The following ZNF519 variants were observed in gnomAD, a reference collection of about 807,000 sequenced individuals.
ZNF519 encodes zinc finger protein 519.
ZNF519 carries 7 observed loss-of-function variants against 7.4 expected under a neutral mutation model. The ratio of observed to expected loss-of-function variants is 0.94; its 90% confidence interval spans 0.54 to 1.77. ZNF519 has a LOEUF of 1.77. Ranked by LOEUF, ZNF519 falls within the 40% of genes most tolerant of loss-of-function variation. The pLI is 0.00. For missense variants in ZNF519, 586 were observed against 623.1 expected (o/e 0.94, Z 0.63); for synonymous variants, 179 against 203.3 (o/e 0.88, Z 1.02).
intron 2 of ZNF519, among the ~76,000 whole-genome samples, chr18:14,087,808 C>A (rs1398963284): frequency 6.6e-6 from 1 of 151,962 alleles, no homozygotes; most frequent in Non-Finnish European, 1.5e-5. Context: ...GTCAACAATA[C>A]CATCATTGTC....
intron 2 of ZNF519, among the ~76,000 whole-genome samples, chr18:14,117,010 T>G (rs2046249340): frequency 6.6e-6 from 1 of 152,122 alleles, no homozygotes; most frequent in Non-Finnish European, 1.5e-5. Context: ...AAACTCCATC[T>G]CAAAATAATA....
downstream of ZNF519, among the ~76,000 whole-genome samples, chr18:14,095,280 A>C (rs1156580286): frequency 6.6e-6 from 1 of 152,200 alleles, no homozygotes; most frequent in Non-Finnish European, 1.5e-5. Flanking sequence ...CGGGAGAGTC[A>C]CTGTGTGACT....
Position 14,106,389 on chromosome 18 carries a change from G to T in ZNF519, c.151C>A (p.Gln51Lys). 6.3e-7 allele frequency: 1 copy of T among 1,592,140 alleles called. No homozygotes were observed. The highest frequency in any genetic ancestry group is 1.1e-5 in the South Asian group (1 of 87,394). ...VSLAVYSYYNQGILPEQGIQD... is the reference protein window; with the variant it reads ...VSLAVYSYYNKGILPEQGIQD... ...ATGCCTTGCTCTGGTAAAATGCCTT[G>T]GTTGTAATAAGAATACACAGCTGAA... Residue 51 changes from glutamine (Q) to lysine (K), a missense_variant, in exon 3 of 3, where the codon CAA becomes AAA. By Grantham distance (53) the Gln-to-Lys change is moderately conservative (BLOSUM62 1). Coordinates refer to ENST00000590202, the MANE Select transcript of ZNF519 (RefSeq NM_145287.4).
chr18:14,114,274 T>C (rs749337461), intron 2 of ZNF519, among the ~76,000 whole-genome samples: 1 of 152,186 alleles, frequency 6.6e-6, no homozygotes, highest in Non-Finnish European at 1.5e-5. Flanking sequence ...TAGTTTTGGG[T>C]CTTAGTTAAG....
intron 3 of ZNF519, chr18:14,082,855 T>C (rs1299395633): frequency 6.6e-6 from 1 of 152,116 alleles, no homozygotes; most frequent in African/African-American, 2.4e-5. Context: ...GCCTGGCTAA[T>C]TTTTAAAAAT....
At chr18:14,130,039 G>A (rs907501330) in intron 1 of ZNF519, among the ~76,000 whole-genome samples, 13 of 152,002 alleles carry the variant, frequency 8.6e-5, no homozygotes, top group Non-Finnish European at 1.5e-4. Context: ...TTTGTTCTCC[G>A]AAATCAGCTT....
At chr18:14,094,612 T>C (rs1794912817) in intron 2 of ZNF519, among the ~76,000 whole-genome samples, 1 of 152,252 alleles carries the variant, frequency 6.6e-6, no homozygotes, top group Non-Finnish European at 1.5e-5. Context: ...CATCCTTGCA[T>C]TGCTGGCATA....
chr18:14,081,352 A>G (rs1389043506), intron 3 of ZNF519, among the ~76,000 whole-genome samples: 1 of 139,552 alleles, frequency 7.2e-6, no homozygotes, highest in African/African-American at 2.8e-5. Flanking sequence ...GGCATTATAA[A>G]CTGTGCATAT....
intron 2 of ZNF519, among the ~76,000 whole-genome samples, chr18:14,094,481 T>C (rs577663719): frequency 4.8e-4 from 73 of 152,226 alleles, no homozygotes; most frequent in Non-Finnish European, 1.0e-3. Flanking sequence ...GAGTTTTTAA[T>C]CATAAAGAAA....
rs1485009478 is a variant in ZNF519, at chr18:14,124,200, C to CA, written c.130+149_130+150insT. The CA allele has an allele frequency of 3.3e-3, 1,641 of 491,534 alleles. 24 individuals are homozygous for CA. The highest frequency in any genetic ancestry group is 0.031 in the African/African-American group (1,484 of 47,208). The allele number at this position is 491,534 out of a possible 1,614,324, so 30.4% of individuals were successfully genotyped here. A position where few individuals can be genotyped will look rare whatever the true frequency, so the allele number is the denominator to read the frequency against. ...ATTAAAAAAAAAAAAAAAAGATTTT[C>CA]TTTTTTACACTAGCAAACTCCCATT... On this transcript the variant is annotated intron_variant, in intron 2 of 2. Transcript: ENST00000590202.
At position 14,105,575 on chromosome 18, in the gene ZNF519, C is replaced by T; in HGVS notation, c.965G>A (p.Cys322Tyr). ...GTTAAAAGCTTTGCCACATTCCTTACACTTGAAAGGCTTCTCTCCAGTATG... is the reference window on the plus strand; with the variant it reads ...GTTAAAAGCTTTGCCACATTCCTTATACTTGAAAGGCTTCTCTCCAGTATG... ...RIHTGEKPFK[C>Y]KECGKAFNRG... is the part of the protein sequence containing the mutation. The change falls in exon 3 of 3, where the codon TGT (cysteine) becomes TAT (tyrosine). Residue 322 changes from cysteine to tyrosine, a missense_variant. Coordinates refer to ENST00000590202, the MANE Select transcript of ZNF519 (RefSeq NM_145287.4). The T allele has an allele frequency of 4.3e-6, 7 of 1,614,088 alleles. No homozygotes were observed. The highest frequency in any genetic ancestry group is 5.9e-6 in the Non-Finnish European group (7 of 1,180,006).
rs567558785 is a variant in ZNF519, at chr18:14,102,649, T to C, written c.*2268A>G. 1 of 152,326 alleles carries C rather than the reference T, an allele frequency of 6.6e-6. No individual in the cohort carries two copies. The highest frequency in any genetic ancestry group is 1.5e-5 in the Non-Finnish European group (1 of 68,034). 9.4% of individuals were successfully genotyped at this position (152,326 alleles called of 1,614,324 possible). ...AAGGATACAAAATGTAGAGTACTTT[T>C]TAAAATAATAATAATTTATTCTCTA... is the stretch of plus-strand genomic sequence containing the variant. On this transcript the variant is annotated 3_prime_UTR_variant, in exon 3 of 3. Transcript: ENST00000590202.
At chr18:14,107,929 G>C (rs2143132543) in intron 2 of ZNF519, among the ~76,000 whole-genome samples, 1 of 152,100 alleles carries the variant, frequency 6.6e-6, no homozygotes, top group South Asian at 2.1e-4. Flanking sequence ...AAACGAAGTA[G>C]ACTCCTAAGG....
chr18:14,128,291 T>TGAAAA (rs2046311246), intron 1 of ZNF519, among the ~76,000 whole-genome samples: 1 of 87,010 alleles, frequency 1.1e-5, no homozygotes, highest in African/African-American at 4.3e-5. Flanking sequence ...AGACTCTCTC[T>TGAAAA]CAAAACAAAC....
At chr18:14,090,831 A>G (rs1182749142) in intron 2 of ZNF519, 4 of 152,270 alleles carry the variant, frequency 2.6e-5, no homozygotes, top group Non-Finnish European at 4.4e-5. Context: ...TGGCAGTGAA[A>G]GAAATGCTAT....
intron 2 of ZNF519, among the ~76,000 whole-genome samples, chr18:14,086,755 T>C (rs2046092147): frequency 6.6e-6 from 1 of 152,168 alleles, no homozygotes; most frequent in Non-Finnish European, 1.5e-5. Flanking sequence ...TTTGGATATG[T>C]GGCAAATCCA....
intron 2 of ZNF519, among the ~76,000 whole-genome samples, chr18:14,089,530 T>C (rs1000418060): frequency 7.0e-6 from 1 of 142,840 alleles, no homozygotes. Context: ...TACACTGTGA[T>C]TTATTTAACT....
At chr18:14,108,523 T>G (rs2046205118) in intron 2 of ZNF519, among the ~76,000 whole-genome samples, 1 of 151,248 alleles carries the variant, frequency 6.6e-6, no homozygotes, top group Non-Finnish European at 1.5e-5. Flanking sequence ...AACAACAAAA[T>G]GGAAGGAGTA....
chr18:14,077,338 C>G (rs943169447), exon 5 of ZNF519: 1 of 152,296 alleles, frequency 6.6e-6, no homozygotes, highest in African/African-American at 2.4e-5. Flanking sequence ...CTGTACCTCC[C>G]AATATACTTC....
Sources: gnomAD v4.1 joint callset for allele counts (sites outside exome capture counted in the v4.1 genomes callset) on GRCh38, gnomAD v4.1.1 for gene constraint, MANE v1.5 for transcripts, NCBI Gene and HGNC (gene_info 2026-07-23, HGNC 2026-07-21) for gene names.